The following CNOT2 variants were observed in gnomAD, a reference collection of about 807,000 sequenced individuals.
CNOT2 encodes the protein CC chemokine receptor 4-negative regulator of transcription 2.
CNOT2 carries 7 observed loss-of-function variants against 72.1 expected under a neutral mutation model. That is an observed-to-expected ratio of 0.10 (90% CI 0.06 to 0.18). The LOEUF is 0.18. Among genes scored for constraint, CNOT2 ranks in the 10% least tolerant of loss-of-function variants. The probability of loss-of-function intolerance (pLI) is 1.00; values close to 1 mark genes in which losing one functional copy is unlikely to be tolerated. For synonymous variants in CNOT2, 196 were observed against 225.6 expected (o/e 0.87, Z 1.17); for missense variants, 345 against 660.3 (o/e 0.52, Z 5.23).
At chr12:70,345,037 A>G (rs1881988941) in intron 14 of CNOT2, 1 of 152,160 alleles carries the variant, frequency 6.6e-6, no homozygotes, top group Non-Finnish European at 1.5e-5. Flanking sequence ...TGGTTCATTG[A>G]TATTTTTTCC....
intron 2 of CNOT2, among the ~76,000 whole-genome samples, chr12:70,306,186 G>A (rs997554119): frequency 6.6e-6 from 1 of 152,098 alleles, no homozygotes; most frequent in Non-Finnish European, 1.5e-5. Context: ...GTAGTCTCGT[G>A]GTGTCGGCCA....
At chr12:70,312,803 T>C (rs1007106359) in intron 3 of CNOT2, among the ~76,000 whole-genome samples, 2 of 151,998 alleles carry the variant, frequency 1.3e-5, no homozygotes, top group Non-Finnish European at 2.9e-5. Flanking sequence ...GGCTACCTTA[T>C]ACATTGGCTG....
chr12:70,348,910 C>A (rs1041339718), intron 15 of CNOT2, among the ~76,000 whole-genome samples: 7 of 151,662 alleles, frequency 4.6e-5, no homozygotes, highest in Admixed American at 4.6e-4. Context: ...TACAGTTGAG[C>A]TTTTGTCTTT....
chr12:70,308,598 A>ACG (rs1262762136), intron 2 of CNOT2, among the ~76,000 whole-genome samples: 1 of 148,608 alleles, frequency 6.7e-6, no homozygotes, highest in Non-Finnish European at 1.5e-5. Context: ...ACACACACAC[A>ACG]CACACACACA....
chr12:70,280,704 G>A (rs894759692), intron 2 of CNOT2, among the ~76,000 whole-genome samples: 2 of 152,168 alleles, frequency 1.3e-5, no homozygotes, highest in Non-Finnish European at 2.9e-5. Context: ...TTAGGAAGGT[G>A]CATTCCCTTG....
intron 1 of CNOT2, among the ~76,000 whole-genome samples, chr12:70,263,367 T>C (rs917032835): frequency 1.3e-5 from 2 of 152,144 alleles, no homozygotes; most frequent in Non-Finnish European, 2.9e-5. Context: ...TGCTTTTTTT[T>C]CCTGAGGTTT....
chr12:70,340,652 A>G (rs980528840), intron 11 of CNOT2, among the ~76,000 whole-genome samples: 7 of 152,066 alleles, frequency 4.6e-5, no homozygotes, highest in African/African-American at 1.7e-4. Context: ...TTTTCCCAAA[A>G]TATATACAGA....
At chr12:70,329,108 T>G (rs770482685) in intron 4 of CNOT2, among the ~76,000 whole-genome samples, 25 of 151,962 alleles carry the variant, frequency 1.6e-4, no homozygotes, top group Non-Finnish European at 3.2e-4. Flanking sequence ...TATATGCAAA[T>G]AGGCCTTTAA....
intron 15 of CNOT2, among the ~76,000 whole-genome samples, chr12:70,351,519 ATCTC>A (rs1222392123): frequency 6.6e-6 from 1 of 152,180 alleles, no homozygotes; most frequent in African/African-American, 2.4e-5. Context: ...AAATTTCTAA[ATCTC>A]TATATCAAAA....
At chr12:70,346,087 T>G (rs755802342) in intron 14 of CNOT2, 93 bp from the exon 15 acceptor site, 5 of 765,704 alleles carry the variant, frequency 6.5e-6, no homozygotes, top group Non-Finnish European at 1.1e-5. Flanking sequence ...ATGTGTAATT[T>G]TTTTTTTCCG....
At chr12:70,312,636 A>G (rs1313141444) in intron 3 of CNOT2, among the ~76,000 whole-genome samples, 6 of 151,978 alleles carry the variant, frequency 3.9e-5, no homozygotes, top group Non-Finnish European at 8.8e-5. Flanking sequence ...CCTTTTTTAA[A>G]AAAACATTAA....
chr12:70,259,779 G>C (rs1057255723), intron 1 of CNOT2, among the ~76,000 whole-genome samples: 3 of 152,086 alleles, frequency 2.0e-5, no homozygotes, highest in Non-Finnish European at 4.4e-5. Context: ...TCTTCCCCCA[G>C]TTTTGCCGCT....
At chr12:70,282,363 T>C (rs918184019) in intron 2 of CNOT2, among the ~76,000 whole-genome samples, 2 of 152,192 alleles carry the variant, frequency 1.3e-5, no homozygotes, top group African/African-American at 4.8e-5. Flanking sequence ...ATCTAAAACA[T>C]TGTATTTTTG....
intron 2 of CNOT2, among the ~76,000 whole-genome samples, chr12:70,289,829 GT>G (rs940203251): frequency 2.7e-5 from 4 of 150,234 alleles, no homozygotes; most frequent in Non-Finnish European, 4.4e-5. Flanking sequence ...TTGAGTGTTG[GT>G]TTTTTTTTCC....
chr12:70,247,378 A>G (rs928176142), intron 1 of CNOT2, among the ~76,000 whole-genome samples: 1 of 151,544 alleles, frequency 6.6e-6, no homozygotes, highest in African/African-American at 2.4e-5. Flanking sequence ...CATGTCTCAA[A>G]CTCCTGACCT....
At chr12:70,339,091 T>TACACAC (rs1555205817) in intron 11 of CNOT2, among the ~76,000 whole-genome samples, 4,358 of 138,276 alleles carry the variant, frequency 0.032, 133 homozygotes, top group African/African-American at 0.067. Flanking sequence ...TATATATATA[T>TACACAC]ACACACACAC....
chr12:70,347,413 A>T (rs1184419437), intron 15 of CNOT2, among the ~76,000 whole-genome samples: 1 of 152,018 alleles, frequency 6.6e-6, no homozygotes, highest in Non-Finnish European at 1.5e-5. Context: ...TGGGTGGATC[A>T]TGAGATCAGG....
chr12:70,269,384 T>C (rs2135770743), intron 1 of CNOT2, among the ~76,000 whole-genome samples: 1 of 152,254 alleles, frequency 6.6e-6, no homozygotes, highest in South Asian at 2.1e-4. Flanking sequence ...TTATTAATAT[T>C]TTTTGTTCCA....
chr12:70,287,159 T>C (rs1349525968), intron 2 of CNOT2, among the ~76,000 whole-genome samples: 1 of 151,760 alleles, frequency 6.6e-6, no homozygotes, highest in Non-Finnish European at 1.5e-5. Context: ...CAGGATTTTT[T>C]TTATAGATAT....
Sources: gnomAD v4.1 joint callset for allele counts (sites outside exome capture counted in the v4.1 genomes callset) on GRCh38, gnomAD v4.1.1 for gene constraint, MANE v1.5 for transcripts, NCBI Gene and HGNC (gene_info 2026-07-23, HGNC 2026-07-21) for gene names.